The following FNDC5 variants were observed in gnomAD, a reference collection of about 807,000 sequenced individuals.
The protein encoded by FNDC5 is fibronectin type III domain-containing protein 5.
A neutral mutation model predicts 24.6 loss-of-function variants in FNDC5; 10 were observed. The ratio of observed to expected loss-of-function variants is 0.41; its 90% confidence interval spans 0.25 to 0.69. The LOEUF (loss-of-function observed/expected upper bound fraction) is 0.69. FNDC5 is among the 30% of genes least tolerant of loss of function. FNDC5 has a pLI of 0.34. For synonymous variants in FNDC5, 90 were observed against 110.7 expected, an observed-to-expected ratio of 0.81 and a Z score of 1.18; for missense variants, 226 against 282.9, an observed-to-expected ratio of 0.80 and a Z score of 1.44.
At chr1:32,867,722 G>A (rs1313082688) in intron 4 of FNDC5, 31 bp downstream of exon 4, 21 of 1,604,078 alleles carry the variant, frequency 1.3e-5, no homozygotes, top group East Asian at 9.0e-5. Context: ...AGAATCTGAG[G>A]GAAGAAGAAG....
In FNDC5 at chr1:32,868,442, T is replaced by C. The variant is rs938634301; in HGVS notation, c.211-54A>G. 6.4e-6 allele frequency: 10 copies of C among 1,566,440 alleles called. No individual in the cohort carries two copies. The African/African-American group carries it at 1.1e-4, about 17-fold the overall frequency. On this transcript the variant is annotated intron_variant, in intron 2 of 5. Transcript: ENST00000373471. The surrounding 1 kb of genome is among the most constrained non-coding windows in gnomAD (Gnocchi z 4.8). ...AACACTCGGTGACCAGCCCCGCTCC[T>C]GCCCACCTCCCAGTGGTGACAAAGC...
chr1:32,864,908 C>G lies in FNDC5; in HGVS notation c.500-111G>C, dbSNP rs1027881252. On this transcript the variant is annotated intron_variant, in intron 4 of 5. Transcript: ENST00000373471. ...CTCTCCAGATTGTACCTCACCTGTA[C>G]TACTGCAGCACCCTCCCTCTGCCCT... 4 of 1,466,376 alleles carry G rather than the reference C, an allele frequency of 2.7e-6. No individual in the cohort carries two copies. In the African/African-American group the frequency reaches 5.6e-5, roughly 20 times the overall value. The allele number at this position is 1,466,376 out of a possible 1,614,324, so 90.8% of individuals were successfully genotyped here.
intron 1 of FNDC5, among the ~76,000 whole-genome samples, chr1:32,870,230 C>T (rs940427196): frequency 6.6e-6 from 1 of 152,148 alleles, no homozygotes; most frequent in African/African-American, 2.4e-5. Flanking sequence ...CCCCTTCACA[C>T]GTGCTCCTGC....
In FNDC5 at chr1:32,863,645, T is replaced by G; in HGVS notation, c.*649A>C. On this transcript the variant is annotated 3_prime_UTR_variant, in exon 6 of 6. Transcript: ENST00000373471. ...GAACTGTGCAGCTAGCTGTGCCTCC[T>G]CCCCACTGCTGCAGTTGTCCCTCTC... 1.7e-6 allele frequency: 2 copies of G among 1,202,388 alleles called. No homozygotes were observed. The highest frequency in any genetic ancestry group is 2.2e-6 in the Non-Finnish European group (2 of 896,516). The allele number at this position is 1,202,388 out of a possible 1,614,324, so 74.5% of individuals were successfully genotyped here.
chr1:32,868,376 G>T lies in FNDC5; in HGVS notation c.223C>A (p.Arg75=). 1 of 1,613,812 alleles carries T rather than the reference G, an allele frequency of 6.2e-7. No individual in the cohort carries two copies. Among genetic ancestry groups the T allele is most frequent in the Non-Finnish European group, 8.5e-7 (1 of 1,179,804 alleles). ...ACCTCCTGGATGAAGCGCAGCATCCGCACATCCTTCTTCTGCAGACAAGCG... is the reference window on the plus strand; with the variant it reads ...ACCTCCTGGATGAAGCGCAGCATCCTCACATCCTTCTTCTGCAGACAAGCG... The change falls in exon 3 of 6, where the codon CGG becomes AGG. Residue 75 remains arginine, a synonymous_variant. Transcript: ENST00000373471. The surrounding 1 kb of genome is among the most constrained non-coding windows in gnomAD (Gnocchi z 4.8).
intron 4 of FNDC5, 88 bp downstream of exon 4, chr1:32,867,665 C>A (rs1018350683): frequency 7.6e-7 from 1 of 1,308,136 alleles, no homozygotes; most frequent in Non-Finnish European, 1.1e-6. Context: ...AAACCCCTTA[C>A]CCTTTTTTTC....
intron 4 of FNDC5, 58 bp from the exon 5 acceptor site, chr1:32,864,855 T>C (rs1261451792): frequency 6.3e-6 from 10 of 1,598,954 alleles, no homozygotes; most frequent in African/African-American, 2.7e-5. Flanking sequence ...CCTCCCCTGC[T>C]TCTTTCCCAC....
chr1:32,865,868 C>G lies in FNDC5; in HGVS notation c.500-1071G>C, dbSNP rs191955579. 1.7e-3 allele frequency among the ~76,000 whole-genome samples: 258 copies of G among 152,274 alleles called. 3 individuals are homozygous for G. The highest frequency in any genetic ancestry group is 4.6e-4 in the Non-Finnish European group (31 of 68,028). ...CAGAGAGAGTTTCACTAACTTAACT[C>G]AAGGTCACACAGTGGTGGAACTAGG... is the stretch of plus-strand genomic sequence containing the variant. On this transcript the variant is annotated intron_variant, in intron 4 of 5. Transcript: ENST00000373471.
rs150806522 is a variant in FNDC5, at chr1:32,868,684, C to T, written c.210+198G>A. On this transcript the variant is annotated intron_variant, in intron 2 of 5. Transcript: ENST00000373471. The surrounding 1 kb of genome is among the most constrained non-coding windows in gnomAD (Gnocchi z 4.8). ...CCAAACCCTCCCTCACTGACTGATT[C>T]TCTTCTAGAGAATTTTCAGACATAT... Among the ~76,000 whole-genome samples the T allele has an allele frequency of 1.3e-5, 2 of 152,238 alleles. No homozygotes were observed. Among genetic ancestry groups the T allele is most frequent in the South Asian group, 2.1e-4 (1 of 4,820 alleles).
chr1:32,862,322 T>C lies in FNDC5; in HGVS notation c.*1972A>G, dbSNP rs1490301929. On this transcript the variant is annotated 3_prime_UTR_variant, in exon 6 of 6. Transcript: ENST00000373471. ...TTTAAAAAGTGGTTATTGCTCTAAG[T>C]GGATCAGAGGTAAGGACCTCTCCCC... The C allele has an allele frequency of 6.5e-6, 1 of 152,696 alleles. No individual in the cohort carries two copies. The highest frequency in any genetic ancestry group is 2.4e-5 in the African/African-American group (1 of 41,464). 9.5% of individuals were successfully genotyped at this position (152,696 alleles called of 1,614,324 possible).
At chr1:32,872,455 G>A (rs895622234), upstream of FNDC5, 2 of 152,698 alleles carry the variant, frequency 1.3e-5, no homozygotes, top group Non-Finnish European at 1.5e-5. Flanking sequence ...CCCGGAGCCA[G>A]AGCACCTCTC....
At position 32,863,259 on chromosome 1, in the gene FNDC5, A is replaced by G. The variant is rs1557526395; in HGVS notation, c.*1035T>C. ...AAAGAGACAAACCAGGTAACATCTTACACGCTTGCAAAAGTGTGCATCACA... is the reference window on the plus strand; with the variant it reads ...AAAGAGACAAACCAGGTAACATCTTGCACGCTTGCAAAAGTGTGCATCACA... On this transcript the variant is annotated 3_prime_UTR_variant, in exon 6 of 6. Coordinates refer to ENST00000373471, the MANE Select transcript of FNDC5 (RefSeq NM_153756.3). 1 of 158,748 alleles carries G rather than the reference A, an allele frequency of 6.3e-6. No homozygotes were observed. The highest frequency in any genetic ancestry group is 1.4e-5 in the Non-Finnish European group (1 of 71,412). 9.8% of individuals were successfully genotyped at this position (158,748 alleles called of 1,614,324 possible). A position where few individuals can be genotyped will look rare whatever the true frequency, so the allele number is the denominator to read the frequency against.
Position 32,863,312 on chromosome 1 carries a change from C to T in FNDC5, c.*982G>A, listed in dbSNP as rs1640999101. 2 of 170,686 alleles carry T rather than the reference C, an allele frequency of 1.2e-5. No homozygotes were observed. The highest frequency in any genetic ancestry group is 5.6e-5 in the Admixed American group (1 of 17,822). The allele number at this position is 170,686 out of a possible 1,614,324, so 10.6% of individuals were successfully genotyped here. On this transcript the variant is annotated 3_prime_UTR_variant, in exon 6 of 6. Coordinates refer to ENST00000373471, the MANE Select transcript of FNDC5 (RefSeq NM_153756.3). ...ACAAACATGTCCTTGATGGCTGGAT[C>T]CAGAAAAGGCTTGATGGCAGCCATG...
At position 32,864,803 on chromosome 1, in the gene FNDC5, G is replaced by C; in HGVS notation, c.500-6C>G. The stretch of plus-strand genomic sequence containing the variant: ...GCAGAAGAGGGCAATGACACCTGAG[G>C]GGGGACAAGTGAGCAGTCAGAGGCC... On this transcript the variant is annotated splice_polypyrimidine_tract_variant and splice_region_variant and intron_variant, in intron 4 of 5. Coordinates refer to ENST00000373471, the MANE Select transcript of FNDC5 (RefSeq NM_153756.3). 9.9e-6 allele frequency: 16 copies of C among 1,613,842 alleles called. No homozygotes were observed. Among genetic ancestry groups the C allele is most frequent in the Non-Finnish European group, 1.2e-5 (14 of 1,179,994 alleles).
chr1:32,864,678 G>A lies in FNDC5; in HGVS notation c.619C>T (p.Leu207Phe). The change falls in exon 5 of 6, where the codon CTT (leucine) becomes TTT (phenylalanine). Residue 207 changes from leucine (L) to phenylalanine (F), a missense_variant. Coordinates refer to ENST00000373471, the MANE Select transcript of FNDC5 (RefSeq NM_153756.3). ...CTTGCCCTCACCTTGCTGCGGAGAA[G>A]CCCCCCGCCCTGGTGCTCTGGTGTG... 6.2e-7 allele frequency: 1 copy of A among 1,614,070 alleles called. No individual in the cohort carries two copies. The highest frequency in any genetic ancestry group is 8.5e-7 in the Non-Finnish European group (1 of 1,180,022).
chr1:32,869,218 C>T (rs1376079154), intron 1 of FNDC5, among the ~76,000 whole-genome samples: 1 of 152,242 alleles, frequency 6.6e-6, no homozygotes, highest in Non-Finnish European at 1.5e-5. Context: ...GACGGAAGCC[C>T]CTGCTGGCCA....
Position 32,862,896 on chromosome 1 carries a change from T to C in FNDC5, c.*1398A>G. 1 of 152,724 alleles carries C rather than the reference T, an allele frequency of 6.5e-6. No homozygotes were observed. Among genetic ancestry groups the C allele is most frequent in the East Asian group, 1.9e-4 (1 of 5,196 alleles). 9.5% of individuals were successfully genotyped at this position (152,724 alleles called of 1,614,324 possible). On this transcript the variant is annotated 3_prime_UTR_variant, in exon 6 of 6. Transcript: ENST00000373471. ...AACTTTCATGGAACCCTGGATGAGA[T>C]GGCAAGATATGAAGACCCCAGAGGC... is the stretch of plus-strand genomic sequence containing the variant.
rs1460561412 is a variant in FNDC5 at position 32,863,160 on chromosome 1, T to C, written c.*1134A>G. 1 of 153,924 alleles carries C rather than the reference T, an allele frequency of 6.5e-6. No individual in the cohort carries two copies. The highest frequency in any genetic ancestry group is 1.9e-4 in the East Asian group (1 of 5,240). The allele number at this position is 153,924 out of a possible 1,614,324, so 9.5% of individuals were successfully genotyped here. A position where few individuals can be genotyped will look rare whatever the true frequency, so the allele number is the denominator to read the frequency against. On this transcript the variant is annotated 3_prime_UTR_variant, in exon 6 of 6. Coordinates refer to ENST00000373471, the MANE Select transcript of FNDC5 (RefSeq NM_153756.3). ...CATAAGGGTCAAAGAAGATAGAGGA[T>C]GCAGGCAACCAGCTCAGTCTTCGGG...
intron 1 of FNDC5, 141 bp downstream of exon 1, chr1:32,870,512 G>A (rs968940202): frequency 1.2e-4 from 44 of 364,996 alleles, no homozygotes; most frequent in Non-Finnish European, 1.8e-4. Flanking sequence ...GTAGGAAGAC[G>A]CTGGGGGCTG....
Sources: allele counts gnomAD v4.1 joint callset (sites outside exome capture counted in the v4.1 genomes callset), GRCh38; gene constraint gnomAD v4.1.1; non-coding constraint Gnocchi (gnomAD v3.1); transcripts MANE v1.5; gene names NCBI Gene and HGNC (gene_info 2026-07-23, HGNC 2026-07-21).